Variants in ACBD3 observed in about 807,000 individuals in gnomAD.
ACBD3 encodes the protein acyl-CoA binding domain containing 3.
ACBD3 carries 30 observed loss-of-function variants against 66.9 expected under a neutral mutation model. That is an observed-to-expected ratio of 0.45 (90% CI 0.34 to 0.61). ACBD3 has a LOEUF of 0.61. ACBD3 is among the 20% of genes least tolerant of loss of function. ACBD3 has a pLI of 0.02. For missense variants in ACBD3, 544 were observed against 664.5 expected (o/e 0.82, Z 1.99); for synonymous variants, 278 against 259.8 (o/e 1.07, Z -0.68).
rs780156523 is a variant in ACBD3, at chr1:226,161,511, A to C, written c.728+20T>G. 2 of 1,608,826 alleles carry C rather than the reference A, an allele frequency of 1.2e-6. No individual in the cohort carries two copies. The highest frequency in any genetic ancestry group is 1.7e-6 in the Non-Finnish European group (2 of 1,178,920). The stretch of plus-strand genomic sequence containing the variant: ...TTTTCCATTTCTCATTTTAAAACAT[A>C]AGCCACATAATAAACTTACTTTTGC... On this transcript the variant is annotated intron_variant, in intron 4 of 7. Coordinates refer to ENST00000366812, the MANE Select transcript of ACBD3 (RefSeq NM_022735.4).
At chr1:226,149,875 T>A (rs1168209323) in intron 7 of ACBD3, among the ~76,000 whole-genome samples, 3 of 151,836 alleles carry the variant, frequency 2.0e-5, no homozygotes, top group Admixed American at 6.6e-5. Flanking sequence ...GTAATTTGTA[T>A]GCATACAAAA....
intron 5 of ACBD3, 97 bp downstream of exon 5, chr1:226,159,087 T>A (rs1413234715): frequency 3.4e-5 from 48 of 1,402,990 alleles, no homozygotes; most frequent in Non-Finnish European, 4.6e-5. Flanking sequence ...AGAGGCTAAC[T>A]AATGCAAAAT....
intron 5 of ACBD3, among the ~76,000 whole-genome samples, chr1:226,155,976 G>C (rs901028288): frequency 6.6e-6 from 1 of 152,138 alleles, no homozygotes; most frequent in African/African-American, 2.4e-5. Flanking sequence ...AATCAATATG[G>C]ACAGATACTA....
At chr1:226,176,819 AATT>A (rs1656046156) in intron 1 of ACBD3, among the ~76,000 whole-genome samples, 1 of 152,206 alleles carries the variant, frequency 6.6e-6, no homozygotes, top group South Asian at 2.1e-4. Context: ...TTATAAGGCT[AATT>A]ATAAAGTTTA....
In ACBD3 at chr1:226,186,562, C is replaced by A. The variant is rs1051558502; in HGVS notation, c.114G>T (p.Pro38=). 16 of 1,360,376 alleles carry A rather than the reference C, an allele frequency of 1.2e-5. No homozygotes were observed. In the African/African-American group the frequency reaches 1.5e-4, roughly 13 times the overall value. 84.3% of individuals were successfully genotyped at this position (1,360,376 alleles called of 1,614,324 possible). ...ATCCAGGTGGCGAGGGCGGTGGCAG[C>A]GGTGGCGGCAGCAGCGGGGCGCCCT... ...GAEGAPLLPP[P]LPPPSPPGSG... Residue 38 remains proline, a synonymous_variant, in exon 1 of 8, where the codon CCG becomes CCT. Transcript: ENST00000366812.
At chr1:226,177,741 G>A (rs555345448) in intron 1 of ACBD3, among the ~76,000 whole-genome samples, 75 of 151,248 alleles carry the variant, frequency 5.0e-4, no homozygotes, top group Admixed American at 4.5e-3. Flanking sequence ...GTTGTTTTGA[G>A]CCACTATTTT....
chr1:226,170,781 T>TA (rs1659979605), intron 1 of ACBD3, among the ~76,000 whole-genome samples: 2 of 152,106 alleles, frequency 1.3e-5, no homozygotes, highest in African/African-American at 2.4e-5. Flanking sequence ...TACCAGATGA[T>TA]ACGTTTGCTT....
intron 1 of ACBD3, among the ~76,000 whole-genome samples, chr1:226,174,510 A>C (rs1655973842): frequency 6.6e-6 from 1 of 152,224 alleles, no homozygotes; most frequent in Admixed American, 6.5e-5. Flanking sequence ...CACGCCTGTA[A>C]TCCCAGCACT....
At position 226,145,452 on chromosome 1, in the gene ACBD3, C is replaced by G. The variant is rs935736571; in HGVS notation, c.*1158G>C. The stretch of plus-strand genomic sequence containing the variant: ...CCCTTCTGAAAACAAGAATCACTAG[C>G]CAATCACTTATACAAATTTGAGGCA... On this transcript the variant is annotated 3_prime_UTR_variant, in exon 8 of 8. Transcript: ENST00000366812. 9 of 152,444 alleles carry G rather than the reference C, an allele frequency of 5.9e-5. No homozygotes were observed. The highest frequency in any genetic ancestry group is 5.9e-4 in the Admixed American group (9 of 15,272). 9.4% of individuals were successfully genotyped at this position (152,444 alleles called of 1,614,324 possible).
intron 5 of ACBD3, among the ~76,000 whole-genome samples, chr1:226,157,373 G>C (rs960487908): frequency 6.6e-6 from 1 of 152,008 alleles, no homozygotes; most frequent in African/African-American, 2.4e-5. Flanking sequence ...ACGAGTAGCT[G>C]AGATTACAGA....
chr1:226,155,123 A>G (rs1173635883), intron 5 of ACBD3: 6 of 210,376 alleles, frequency 2.9e-5, no homozygotes, highest in African/African-American at 6.9e-5. Context: ...CTAACCAGGA[A>G]AAATGAAAGT....
At chr1:226,149,046 A>G (rs551371556) in intron 7 of ACBD3, among the ~76,000 whole-genome samples, 1 of 152,308 alleles carries the variant, frequency 6.6e-6, no homozygotes, top group South Asian at 2.1e-4. Context: ...ACCTCTAGAA[A>G]TGAACCCCTG....
intron 5 of ACBD3, among the ~76,000 whole-genome samples, chr1:226,156,701 A>G (rs1259416133): frequency 2.0e-5 from 3 of 152,188 alleles, no homozygotes; most frequent in African/African-American, 7.2e-5. Context: ...AGATTTTAAG[A>G]TATCTTCTTC....
At chr1:226,179,578 C>T (rs1419553980) in intron 1 of ACBD3, among the ~76,000 whole-genome samples, 1 of 152,180 alleles carries the variant, frequency 6.6e-6, no homozygotes, top group Non-Finnish European at 1.5e-5. Flanking sequence ...TAAAACTGGG[C>T]CAGGCGTGGT....
chr1:226,159,347 A>G lies in ACBD3; in HGVS notation c.740T>C (p.Met247Thr), dbSNP rs1659729267. The change falls in exon 5 of 8, where the codon ATG becomes ACG. Residue 247 changes from methionine to threonine, a missense_variant. Physicochemically the swap from Met to Thr is moderately conservative, Grantham distance 81. Around this residue, in one of 3 missense-constraint regions of ACBD3, gnomAD observed 383 missense variants for 462.4 expected, o/e 0.83. Transcript: ENST00000366812. ...GGCAGTCTGGGAGTTTAAAGCTGCC[A>G]TTATCTGCTGCCTAAAAACATTAAA... ...LRLEQQKQQI[M>T]AALNSQTAVQ... 6.8e-6 allele frequency: 11 copies of G among 1,614,152 alleles called. No individual in the cohort carries two copies. Among genetic ancestry groups the G allele is most frequent in the Non-Finnish European group, 9.3e-6 (11 of 1,179,998 alleles).
chr1:226,155,461 C>CTATT (rs1553267637), intron 5 of ACBD3, among the ~76,000 whole-genome samples: 1 of 145,986 alleles, frequency 6.8e-6, no homozygotes, highest in Non-Finnish European at 1.5e-5. Context: ...CAAAATAAAA[C>CTATT]TATTAAAGGC....
rs182402044 is a variant in ACBD3 at position 226,180,438 on chromosome 1, A to T, written c.286+5952T>A. On this transcript the variant is annotated intron_variant, in intron 1 of 7. Transcript: ENST00000366812. ...ATTCCTAAAACAACCCTTTGAGTAC[A>T]GGAAAGCACAAAAAGTTAACAAAAT... 1.5e-3 allele frequency among the ~76,000 whole-genome samples: 222 copies of T among 152,294 alleles called. 1 individual carries two copies. The highest frequency in any genetic ancestry group is 5.1e-3 in the African/African-American group (211 of 41,556).
chr1:226,168,023 T>C (rs938542431), intron 1 of ACBD3, among the ~76,000 whole-genome samples: 1 of 152,186 alleles, frequency 6.6e-6, no homozygotes, highest in Non-Finnish European at 1.5e-5. Context: ...CAATACACAA[T>C]AGTCCTTATC....
In ACBD3 at chr1:226,165,870, C is replaced by T. The variant is rs1281337022; in HGVS notation, c.417G>A (p.Gly139=). 3 of 1,609,256 alleles carry T rather than the reference C, an allele frequency of 1.9e-6. No homozygotes were observed. The highest frequency in any genetic ancestry group is 3.4e-5 in the Admixed American group (2 of 58,552). The change falls in exon 2 of 8, where the codon GGG becomes GGA. Residue 139 remains glycine (G), a synonymous_variant. Coordinates refer to ENST00000366812, the MANE Select transcript of ACBD3 (RefSeq NM_022735.4). ...CPEVGFFDVL[G]NDRRREWAAL... is the part of the protein sequence containing the mutation. The stretch of plus-strand genomic sequence containing the variant: ...AAAAACACTGTTACCTCCTGTCATT[C>T]CCCAACACATCAAAGAATCCAACCT...
Sources: gnomAD v4.1 joint callset for allele counts (sites outside exome capture counted in the v4.1 genomes callset) on GRCh38, gnomAD v4.1.1 for gene constraint, gnomAD v4.1.1 regional missense constraint, MANE v1.5 for transcripts, NCBI Gene and HGNC (gene_info 2026-07-23, HGNC 2026-07-21) for gene names.